Variants in NCALD observed in about 807,000 individuals in gnomAD.
NCALD encodes neurocalcin-delta.
NCALD carries 10 observed loss-of-function variants against 18.6 expected under a neutral mutation model. The ratio of observed to expected loss-of-function variants is 0.54; its 90% CI spans 0.33 to 0.91. The LOEUF (loss-of-function observed/expected upper bound fraction) is 0.91, where lower values mean the gene tolerates loss of function less well. NCALD is among the 40% of genes least tolerant of loss of function. The pLI is 0.03. For synonymous variants in NCALD, 88 were observed against 87.4 expected (o/e 1.01, Z -0.04); for missense variants, 184 against 247.6 (o/e 0.74, Z 1.72).
At chr8:101,934,368 G>A (rs891691782) in intron 2 of NCALD, among the ~76,000 whole-genome samples, 1 of 152,070 alleles carries the variant, frequency 6.6e-6, no homozygotes, top group South Asian at 2.1e-4. Context: ...CCAGGTACAC[G>A]AAATAGCACA....
chr8:101,734,775 T>C (rs754636709), intron 1 of NCALD, among the ~76,000 whole-genome samples: 1 of 152,174 alleles, frequency 6.6e-6, no homozygotes, highest in South Asian at 2.1e-4. Flanking sequence ...ACCAGGCTAA[T>C]AAATAAGGCA....
At chr8:101,815,122 A>G (rs1241402902) in intron 4 of NCALD, among the ~76,000 whole-genome samples, 1 of 152,104 alleles carries the variant, frequency 6.6e-6, no homozygotes, top group Non-Finnish European at 1.5e-5. Flanking sequence ...AACTTATTAT[A>G]AAGTTTATAT....
chr8:101,829,735 C>T (rs1028851912), intron 4 of NCALD, among the ~76,000 whole-genome samples: 1 of 152,016 alleles, frequency 6.6e-6, no homozygotes, highest in Non-Finnish European at 1.5e-5. Flanking sequence ...TGACGAATAC[C>T]CTAAACTGAA....
chr8:101,935,621 G>A (rs540624151), intron 2 of NCALD, among the ~76,000 whole-genome samples: 1 of 152,096 alleles, frequency 6.6e-6, no homozygotes, highest in Non-Finnish European at 1.5e-5. Flanking sequence ...GTCACTGGGG[G>A]CCTTGACAAA....
chr8:101,725,969 T>C (rs1816554159), intron 1 of NCALD, among the ~76,000 whole-genome samples: 1 of 152,106 alleles, frequency 6.6e-6, no homozygotes, highest in South Asian at 2.1e-4. Flanking sequence ...AAAGCCCCAC[T>C]GAGAAAGCAA....
At chr8:101,843,582 G>GTTTTTTTGTTT (rs1554644303) in intron 4 of NCALD, among the ~76,000 whole-genome samples, 2 of 125,140 alleles carry the variant, frequency 1.6e-5, no homozygotes, top group Admixed American at 8.5e-5. Flanking sequence ...TTTAAAAATT[G>GTTTTTTTGTTT]TTTTTTTTTT....
At chr8:102,052,656 TG>T (rs1823495559) in intron 1 of NCALD, among the ~76,000 whole-genome samples, 2 of 152,366 alleles carry the variant, frequency 1.3e-5, no homozygotes, top group South Asian at 2.1e-4. Flanking sequence ...TCTTCGGCTT[TG>T]TTTTCCCACA....
intron 2 of NCALD, among the ~76,000 whole-genome samples, chr8:102,007,267 A>G (rs559650779): frequency 1.3e-5 from 2 of 152,358 alleles, no homozygotes; most frequent in South Asian, 4.1e-4. Context: ...GAAGTTAGAA[A>G]AAGCTGGGTG....
chr8:101,840,306 A>G (rs936450001), intron 4 of NCALD, among the ~76,000 whole-genome samples: 1 of 152,338 alleles, frequency 6.6e-6, no homozygotes, highest in African/African-American at 2.4e-5. Context: ...AAGTGAATAC[A>G]TTTGTGGTAA....
At chr8:101,727,862 G>A (rs991015927) in intron 1 of NCALD, among the ~76,000 whole-genome samples, 20 of 152,116 alleles carry the variant, frequency 1.3e-4, no homozygotes, top group Admixed American at 7.2e-4. Flanking sequence ...TACCTCTTAA[G>A]GGCCTTTGCT....
chr8:101,787,610 G>A (rs1394355727), intron 1 of NCALD, among the ~76,000 whole-genome samples: 3 of 152,136 alleles, frequency 2.0e-5, no homozygotes, highest in Non-Finnish European at 2.9e-5. Context: ...GAAACATGTT[G>A]AATGAGACAA....
intron 3 of NCALD, 198 bp downstream of exon 3, chr8:101,692,593 C>T (rs1814780175): frequency 1.0e-6 from 1 of 985,260 alleles, no homozygotes. Flanking sequence ...ATAGAAAAAA[C>T]TAGAAATAAG....
At chr8:101,994,660 C>G (rs928363638) in intron 2 of NCALD, among the ~76,000 whole-genome samples, 2 of 152,246 alleles carry the variant, frequency 1.3e-5, no homozygotes, top group Non-Finnish European at 2.9e-5. Context: ...TGGCTGGGGT[C>G]TGAATCCTGC....
chr8:102,090,034 T>A (rs959970107), intron 1 of NCALD, among the ~76,000 whole-genome samples: 1 of 152,220 alleles, frequency 6.6e-6, no homozygotes, highest in African/African-American at 2.4e-5. Context: ...TAAGGTTTTA[T>A]TAAAAATTGG....
intron 1 of NCALD, among the ~76,000 whole-genome samples, chr8:102,069,659 GGCATGTGTGT>G (rs1343180664): frequency 6.6e-6 from 1 of 152,002 alleles, no homozygotes; most frequent in African/African-American, 2.4e-5. Context: ...TTATTTTATG[GGCATGTGTGT>G]GCACACACAC....
In NCALD at chr8:101,863,751, T is replaced by C. The variant is rs559972256; in HGVS notation, c.-20+23390A>G. ...ATGGGTGAGAGTGGGGAGGACTAAT[T>C]CAGACAAAGGGGTAGAGGAAGGGCT... is the stretch of plus-strand genomic sequence containing the variant. On this transcript the variant is annotated intron_variant, in intron 4 of 6. Coordinates refer to the NCALD transcript ENST00000311028. Among the ~76,000 whole-genome samples the C allele has an allele frequency of 2.6e-5, 4 of 152,236 alleles. No individual in the cohort carries two copies. The East Asian group carries it at 7.7e-4, about 29-fold the overall frequency.
chr8:101,743,889 G>C (rs560613245), intron 1 of NCALD, among the ~76,000 whole-genome samples: 2 of 152,202 alleles, frequency 1.3e-5, no homozygotes, highest in African/African-American at 4.8e-5. Flanking sequence ...ACAGTAAGTG[G>C]GAAAGGATCC....
rs747091747 is a variant in NCALD, at chr8:101,689,336, G to A, written c.555C>T (p.Cys185=). The change falls in exon 4 of 4, where the codon TGC becomes TGT. Residue 185 remains cysteine, a synonymous_variant. Coordinates refer to ENST00000220931, the MANE Select transcript of NCALD (RefSeq NM_032041.3). This position sits in a 1 kb window ranked among gnomAD's most constrained non-coding sequence, Gnocchi z 4.4. ...AGAACTGGCCGGCACTGCTCGGGTC[G>A]CACTGCAGGAGGCGCACAATGGACG... ...SDPSIVRLLQ[C]DPSSAGQF is the part of the protein sequence containing the mutation. The A allele has an allele frequency of 3.5e-5, 57 of 1,613,582 alleles. No homozygotes were observed. In the Admixed American group the frequency reaches 7.7e-4, roughly 22 times the overall value.
chr8:101,793,502 G>GTTTAGA (rs1295260127), upstream of NCALD, among the ~76,000 whole-genome samples: 1 of 152,080 alleles, frequency 6.6e-6, no homozygotes, highest in East Asian at 1.9e-4. Flanking sequence ...AACTACCTAG[G>GTTTAGA]TTTAGAATTT....
Sources: gnomAD v4.1 joint callset for allele counts (sites outside exome capture counted in the v4.1 genomes callset) on GRCh38, gnomAD v4.1.1 for gene constraint, Gnocchi (gnomAD v3.1) non-coding constraint, MANE v1.5 for transcripts, NCBI Gene and HGNC (gene_info 2026-07-23, HGNC 2026-07-21) for gene names.